KAZN: variants seen among roughly 807,000 people sequenced by gnomAD.
KAZN encodes kazrin, periplakin interacting protein, also known as kazrin.
In KAZN, 40 loss-of-function variants were observed where a neutral mutation model predicts 87.4. The ratio of observed to expected loss-of-function variants is 0.46; its 90% CI spans 0.36 to 0.60. The LOEUF (loss-of-function observed/expected upper bound fraction) is 0.60. KAZN is among the 20% of genes least tolerant of loss of function. KAZN has a pLI of 0.00. For missense variants in KAZN, 898 were observed against 1,073.9 expected, an observed-to-expected ratio of 0.84 and a Z score of 2.29; for synonymous variants, 466 against 458.3, an observed-to-expected ratio of 1.02 and a Z score of -0.22.
At chr1:14,416,843 A>C (rs1333129052) in intron 2 of KAZN, among the ~76,000 whole-genome samples, 2 of 152,036 alleles carry the variant, frequency 1.3e-5, no homozygotes, top group Admixed American at 6.6e-5. Flanking sequence ...TAATTCCAGC[A>C]CTTTAGGAGG....
intron 2 of KAZN, among the ~76,000 whole-genome samples, chr1:14,287,145 A>T (rs973526585): frequency 2.0e-5 from 3 of 152,238 alleles, no homozygotes; most frequent in Non-Finnish European, 4.4e-5. Context: ...AGGGAAATCC[A>T]CTGACCTCCA....
At chr1:14,645,698 G>A (rs1486625289) in intron 1 of KAZN, among the ~76,000 whole-genome samples, 2 of 152,186 alleles carry the variant, frequency 1.3e-5, no homozygotes, top group African/African-American at 2.4e-5. Flanking sequence ...GCCAACAGGG[G>A]TAGTTTGACT....
At chr1:14,203,632 C>T (rs1308359085) in intron 2 of KAZN, among the ~76,000 whole-genome samples, 1 of 152,166 alleles carries the variant, frequency 6.6e-6, no homozygotes, top group African/African-American at 2.4e-5. Flanking sequence ...GAGTCCAGGG[C>T]CTTCTGAAAA....
At chr1:14,837,969 C>A (rs943239546) in intron 1 of KAZN, among the ~76,000 whole-genome samples, 1 of 152,060 alleles carries the variant, frequency 6.6e-6, no homozygotes, top group African/African-American at 2.4e-5. Context: ...CTGTCTTAGT[C>A]CCTTTGTGCT....
At chr1:14,251,201 T>C (rs569098280) in intron 2 of KAZN, among the ~76,000 whole-genome samples, 2 of 152,320 alleles carry the variant, frequency 1.3e-5, no homozygotes, top group African/African-American at 2.4e-5. Flanking sequence ...GCCAATGACA[T>C]TGAAGGATCA....
intron 2 of KAZN, among the ~76,000 whole-genome samples, chr1:14,430,715 C>T (rs1321980711): frequency 6.6e-6 from 1 of 152,196 alleles, no homozygotes; most frequent in African/African-American, 2.4e-5. Flanking sequence ...CTAAGTCCTG[C>T]AGGACTCACA....
chr1:14,902,527 C>G (rs1656051412), intron 1 of KAZN, among the ~76,000 whole-genome samples: 1 of 152,062 alleles, frequency 6.6e-6, no homozygotes. Context: ...CGCGCCCAGC[C>G]AGAACTGCAA....
At chr1:14,798,621 A>C (rs1645906806) in intron 1 of KAZN, among the ~76,000 whole-genome samples, 1 of 151,234 alleles carries the variant, frequency 6.6e-6, no homozygotes, top group Middle Eastern at 3.2e-3. Context: ...TTTTTAATAG[A>C]GATGGGGTTT....
rs984350259 is a variant in KAZN, at chr1:15,094,730, G to T, written c.1429-85G>T. ...AAGGTGGGCAGGAGATGGGGAAGGAGCCCCATGTCAACAGACCCCCTCTAG... is the reference window on the plus strand; with the variant it reads ...AAGGTGGGCAGGAGATGGGGAAGGATCCCCATGTCAACAGACCCCCTCTAG... On this transcript the variant is annotated intron_variant, in intron 9 of 14. Transcript: ENST00000376030. This position sits in a 1 kb window ranked among gnomAD's most constrained non-coding sequence, Gnocchi z 4.5. 8 of 935,054 alleles carry T rather than the reference G, an allele frequency of 8.6e-6. No homozygotes were observed. The Admixed American group carries it at 9.1e-5, about 11-fold the overall frequency. 57.9% of individuals were successfully genotyped at this position (935,054 alleles called of 1,614,324 possible).
chr1:14,092,482 A>C (rs937047632), intron 1 of KAZN, among the ~76,000 whole-genome samples: 12 of 150,666 alleles, frequency 8.0e-5, no homozygotes, highest in Non-Finnish European at 1.6e-4. Context: ...ACACACACAC[A>C]ACACACACAT....
chr1:14,873,148 A>G (rs2690020), intron 1 of KAZN, among the ~76,000 whole-genome samples: 55,163 of 123,588 alleles, frequency 0.45, 10,724 homozygotes, highest in South Asian at 0.56. Context: ...GGATGGAAGG[A>G]TGGATGGATG....
At position 14,736,465 on chromosome 1, in the gene KAZN, A is replaced by ATT. The variant is rs756285598; in HGVS notation, c.226+137266_226+137267dup. Among the ~76,000 whole-genome samples the ATT allele has an allele frequency of 3.7e-3, 398 of 108,036 alleles. 3 individuals carry two copies. The highest frequency in any genetic ancestry group is 4.9e-3 in the Non-Finnish European group (270 of 55,626). 70.9% of individuals were successfully genotyped at this position (108,036 alleles called of 152,430 possible). A position where few individuals can be genotyped will look rare whatever the true frequency, so the allele number is the denominator to read the frequency against. Reference sequence around the variant, plus strand: ...AGGCATGTGCCACCACACCCAGCTAATTTTTTTTTTTTTTTTTTTTTTTTT... The same window carrying ATT: ...AGGCATGTGCCACCACACCCAGCTAATTTTTTTTTTTTTTTTTTTTTTTTTTT... On this transcript the variant is annotated intron_variant, in intron 1 of 14. Transcript: ENST00000376030.
intron 2 of KAZN, among the ~76,000 whole-genome samples, chr1:14,264,372 AT>A (rs1651313240): frequency 6.6e-6 from 1 of 152,174 alleles, no homozygotes; most frequent in African/African-American, 2.4e-5. Context: ...AGCTGCTATG[AT>A]TTTAATGTGT....
At chr1:14,044,201 G>A (rs1052150568) in intron 1 of KAZN, among the ~76,000 whole-genome samples, 2 of 151,904 alleles carry the variant, frequency 1.3e-5, no homozygotes, top group African/African-American at 4.8e-5. Flanking sequence ...TGTTTCTGTT[G>A]GTTTATCTTT....
intron 1 of KAZN, among the ~76,000 whole-genome samples, chr1:14,145,771 G>T (rs1645335641): frequency 6.6e-6 from 1 of 152,126 alleles, no homozygotes; most frequent in Admixed American, 6.5e-5. Flanking sequence ...AGTAGAGACA[G>T]GGTTTCGCCA....
At chr1:14,100,378 A>G (rs1341046848) in intron 1 of KAZN, among the ~76,000 whole-genome samples, 1 of 152,194 alleles carries the variant, frequency 6.6e-6, no homozygotes, top group Non-Finnish European at 1.5e-5. Context: ...AGTGGTTTCC[A>G]GGTGGACTTA....
intron 1 of KAZN, among the ~76,000 whole-genome samples, chr1:14,917,085 C>T (rs1326949025): frequency 6.6e-6 from 1 of 152,078 alleles, no homozygotes; most frequent in African/African-American, 2.4e-5. Context: ...TGGAGGAGAT[C>T]AGGATTTCTG....
chr1:15,112,711 A>G, intron 14 of KAZN, 170 bp downstream of exon 14: 1 of 521,904 alleles, frequency 1.9e-6, no homozygotes, highest in Non-Finnish European at 3.6e-6. Context: ...AGGAACCTTC[A>G]CGATGCTTTG....
chr1:14,038,349 A>C (rs1378300499), intron 1 of KAZN, among the ~76,000 whole-genome samples: 3 of 152,134 alleles, frequency 2.0e-5, no homozygotes, highest in Non-Finnish European at 4.4e-5. Context: ...AGAGTGAAGA[A>C]GTTAGCCATA....
Sources: allele counts gnomAD v4.1 joint callset (sites outside exome capture counted in the v4.1 genomes callset), GRCh38; gene constraint gnomAD v4.1.1; non-coding constraint Gnocchi (gnomAD v3.1); transcripts MANE v1.5; gene names NCBI Gene and HGNC (gene_info 2026-07-23, HGNC 2026-07-21).